The following PLCB1 variants were observed in gnomAD, a reference collection of about 807,000 sequenced individuals.
PLCB1 encodes 1-phosphatidylinositol 4,5-bisphosphate phosphodiesterase beta-1.
Under a neutral mutation model 161.8 loss-of-function variants are expected in PLCB1, and 46 were observed. The observed-to-expected ratio is 0.28, with a 90% CI of 0.22 to 0.36. PLCB1 has a LOEUF of 0.36. PLCB1 is among the 10% of genes least tolerant of loss of function. The probability of loss-of-function intolerance (pLI) is 1.00; values close to 1 mark genes in which losing one functional copy is unlikely to be tolerated. For synonymous variants in PLCB1, 517 were observed against 503.7 expected, an observed-to-expected ratio of 1.03 and a Z score of -0.35; for missense variants, 1,016 against 1,472.5, an observed-to-expected ratio of 0.69 and a Z score of 5.07.
At chr20:8,511,278 A>G (rs1269039584) in intron 3 of PLCB1, among the ~76,000 whole-genome samples, 1 of 152,164 alleles carries the variant, frequency 6.6e-6, no homozygotes, top group Non-Finnish European at 1.5e-5. Context: ...CTCCAAGTTC[A>G]TTCATGTTGT....
intron 3 of PLCB1, among the ~76,000 whole-genome samples, chr20:8,502,161 C>T (rs753671487): frequency 1.3e-4 from 19 of 151,702 alleles, no homozygotes; most frequent in South Asian, 4.2e-4. Flanking sequence ...AATGCTGTTA[C>T]GCAAACTTAA....
At position 8,396,556 on chromosome 20, in the gene PLCB1, A is replaced by G. The variant is rs978459422; in HGVS notation, c.246+25106A>G. 7.2e-5 allele frequency among the ~76,000 whole-genome samples: 11 copies of G among 152,210 alleles called. No homozygotes were observed. In the East Asian group the frequency reaches 1.5e-3, roughly 21 times the overall value. ...TTAATAAAGGTTCAATTTCAAAAAAATGGGAAGTTGCTCAGTCCAGTTGAA... is the reference window on the plus strand; with the variant it reads ...TTAATAAAGGTTCAATTTCAAAAAAGTGGGAAGTTGCTCAGTCCAGTTGAA... On this transcript the variant is annotated intron_variant, in intron 3 of 31. Coordinates refer to ENST00000338037, the MANE Select transcript of PLCB1 (RefSeq NM_015192.4).
intron 2 of PLCB1, among the ~76,000 whole-genome samples, chr20:8,196,442 C>G (rs1372115260): frequency 6.6e-6 from 1 of 151,910 alleles, no homozygotes; most frequent in African/African-American, 2.4e-5. Context: ...TTACTTTTAT[C>G]AACTAATCTG....
At chr20:8,663,245 TAC>T (rs1280569428) in intron 9 of PLCB1, among the ~76,000 whole-genome samples, 2 of 151,830 alleles carry the variant, frequency 1.3e-5, no homozygotes, top group African/African-American at 4.8e-5. Context: ...TGTATACACA[TAC>T]ACAGAGACAC....
intron 3 of PLCB1, among the ~76,000 whole-genome samples, chr20:8,395,715 A>G (rs984127247): frequency 1.3e-5 from 2 of 152,116 alleles, no homozygotes; most frequent in African/African-American, 4.8e-5. Context: ...TCAAAATTTC[A>G]TGGTTTGAGT....
intron 10 of PLCB1, among the ~76,000 whole-genome samples, chr20:8,687,154 T>C (rs1175067491): frequency 6.6e-6 from 1 of 151,556 alleles, no homozygotes; most frequent in Non-Finnish European, 1.5e-5. Context: ...GCCTCCTGAG[T>C]AGCTGAAACT....
intron 2 of PLCB1, among the ~76,000 whole-genome samples, chr20:8,250,457 A>G (rs8121004): frequency 0.061 from 9,258 of 151,852 alleles, 928 homozygotes; most frequent in African/African-American, 0.21. Context: ...TGTGCTCCAA[A>G]TGATTTTGCA....
At chr20:8,179,188 A>G (rs1053035399) in intron 2 of PLCB1, among the ~76,000 whole-genome samples, 4 of 152,160 alleles carry the variant, frequency 2.6e-5, no homozygotes, top group African/African-American at 9.7e-5. Context: ...TGGCAGTTTG[A>G]TAAGAATAGC....
At chr20:8,497,202 T>C (rs1238802245) in intron 3 of PLCB1, among the ~76,000 whole-genome samples, 1 of 152,172 alleles carries the variant, frequency 6.6e-6, no homozygotes, top group Non-Finnish European at 1.5e-5. Context: ...AAACAAACAT[T>C]GAAATTTGGA....
At chr20:8,667,545 C>G (rs1462971774) in intron 9 of PLCB1, among the ~76,000 whole-genome samples, 2 of 152,192 alleles carry the variant, frequency 1.3e-5, no homozygotes, top group African/African-American at 4.8e-5. Flanking sequence ...AGGCAAAGGC[C>G]TGGCCTAGGA....
intron 31 of PLCB1, among the ~76,000 whole-genome samples, chr20:8,881,358 T>TGTGC (rs369188885): frequency 6.0e-5 from 9 of 150,500 alleles, no homozygotes; most frequent in Non-Finnish European, 1.3e-4. Context: ...TGTGTGTGTG[T>TGTGC]GCATTTGTAG....
chr20:8,701,324 C>G (rs1368892664), intron 11 of PLCB1, among the ~76,000 whole-genome samples: 1 of 152,124 alleles, frequency 6.6e-6, no homozygotes, highest in Non-Finnish European at 1.5e-5. Flanking sequence ...CCAGGCTGGC[C>G]CCGCCTCACA....
chr20:8,558,043 G>A (rs1350632194), intron 3 of PLCB1, among the ~76,000 whole-genome samples: 9 of 151,696 alleles, frequency 5.9e-5, no homozygotes, highest in Non-Finnish European at 1.5e-5. Context: ...GGTGGAGGGG[G>A]AAGTAGTGAG....
intron 3 of PLCB1, among the ~76,000 whole-genome samples, chr20:8,615,560 T>C (rs2123183304): frequency 6.6e-6 from 1 of 152,318 alleles, no homozygotes; most frequent in Admixed American, 6.5e-5. Flanking sequence ...TCACCTCTCT[T>C]TGAATCCCTT....
chr20:8,644,336 A>G (rs1272668864), intron 4 of PLCB1, among the ~76,000 whole-genome samples: 2 of 133,532 alleles, frequency 1.5e-5, no homozygotes, highest in African/African-American at 2.9e-5. Context: ...CCGCCATCCC[A>G]TCTAGGAAGT....
Position 8,369,385 on chromosome 20 carries a change from C to T in PLCB1, c.178-1997C>T, listed in dbSNP as rs184159865. Among the ~76,000 whole-genome samples the T allele has an allele frequency of 3.3e-5, 5 of 152,292 alleles. No individual in the cohort carries two copies. In the East Asian group the frequency reaches 9.6e-4, roughly 29 times the overall value. On this transcript the variant is annotated intron_variant, in intron 2 of 31. Transcript: ENST00000338037. ...AGATTAAACTTCTTCAAGCTTGATT[C>T]CCTTACTGTTTCTCCTCTTCCAGCA... is the stretch of plus-strand genomic sequence containing the variant.
At chr20:8,663,114 C>CTA (rs1198254731) in intron 9 of PLCB1, among the ~76,000 whole-genome samples, 1 of 151,570 alleles carries the variant, frequency 6.6e-6, no homozygotes, top group African/African-American at 2.4e-5. Context: ...TCCATATAGC[C>CTA]TATACTTGTT....
At chr20:8,789,484 T>C in intron 29 of PLCB1, 34 bp from the exon 30 acceptor site, 2 of 1,408,506 alleles carry the variant, frequency 1.4e-6, no homozygotes, top group East Asian at 2.3e-5. Flanking sequence ...TCTGGATGAA[T>C]TGGTATAATG....
At chr20:8,191,217 A>G (rs913110742) in intron 2 of PLCB1, among the ~76,000 whole-genome samples, 5 of 152,006 alleles carry the variant, frequency 3.3e-5, no homozygotes, top group African/African-American at 7.2e-5. Context: ...ACGGGCATAC[A>G]ATGCGTAATG....
Sources: allele counts gnomAD v4.1 joint callset (sites outside exome capture counted in the v4.1 genomes callset), GRCh38; gene constraint gnomAD v4.1.1; transcripts MANE v1.5; gene names NCBI Gene and HGNC (gene_info 2026-07-23, HGNC 2026-07-21).